The following NCOA1 variants were observed in gnomAD, a reference collection of about 807,000 sequenced individuals.
NCOA1 encodes Hin-2 protein.
In NCOA1, 35 loss-of-function variants were observed where a neutral mutation model predicts 150.9. The observed-to-expected ratio is 0.23, with a 90% CI of 0.18 to 0.31. NCOA1 has a LOEUF of 0.31. Ranked by LOEUF, NCOA1 falls within the 10% of genes least tolerant of loss-of-function variation. The pLI, the probability that NCOA1 is intolerant of heterozygous loss-of-function variation, is 1.00. For missense variants in NCOA1, 1,491 were observed against 1,749.3 expected (o/e 0.85, Z 2.63); for synonymous variants, 590 against 630.0 (o/e 0.94, Z 0.95).
chr2:24,706,784 A>G lies in NCOA1; in HGVS notation c.1314A>G (p.Gln438=), dbSNP rs968759504. The G allele has an allele frequency of 6.2e-7, 1 of 1,614,198 alleles. No homozygotes were observed. The part of the protein sequence containing the change: ...SSSHSNSSNS[Q]GSFGCSPGSQ... ...GTCATAGTAATTCTAGCAACAGCCAAGGAAGTTTCGGATGCTCACCCGGAA... is the reference window on the plus strand; with the variant it reads ...GTCATAGTAATTCTAGCAACAGCCAGGGAAGTTTCGGATGCTCACCCGGAA... The change falls in exon 13 of 23, where the codon CAA becomes CAG. Residue 438 remains glutamine (Q), a synonymous_variant. Coordinates refer to ENST00000348332, the MANE Select transcript of NCOA1 (RefSeq NM_003743.5).
chr2:24,582,765 C>A (rs1667250015), intron 2 of NCOA1, among the ~76,000 whole-genome samples: 1 of 152,036 alleles, frequency 6.6e-6, no homozygotes, highest in South Asian at 2.1e-4. Context: ...GACACATAGA[C>A]CAATGGAGCA....
intron 1 of NCOA1, among the ~76,000 whole-genome samples, chr2:24,550,707 G>C (rs1275562904): frequency 1.3e-5 from 2 of 152,232 alleles, no homozygotes; most frequent in Non-Finnish European, 2.9e-5. Flanking sequence ...TGAATGCCTA[G>C]TAAACAAGGG....
At chr2:24,661,671 T>C (rs1404854579) in intron 5 of NCOA1, among the ~76,000 whole-genome samples, 1 of 152,216 alleles carries the variant, frequency 6.6e-6, no homozygotes, top group East Asian at 1.9e-4. Flanking sequence ...ATTTATTGTT[T>C]TTCCCAGTTA....
chr2:24,600,450 G>A (rs893007019), intron 3 of NCOA1, among the ~76,000 whole-genome samples: 5 of 152,068 alleles, frequency 3.3e-5, no homozygotes, highest in Admixed American at 6.5e-5. Flanking sequence ...CAAGTGATCC[G>A]CACGCCTTGG....
intron 9 of NCOA1, among the ~76,000 whole-genome samples, chr2:24,692,709 T>G (rs957008989): frequency 6.6e-6 from 1 of 152,192 alleles, no homozygotes; most frequent in Non-Finnish European, 1.5e-5. Flanking sequence ...CTGGTATATA[T>G]AAGAGCATTC....
At chr2:24,594,102 C>T (rs1242060602) in intron 3 of NCOA1, among the ~76,000 whole-genome samples, 2 of 151,900 alleles carry the variant, frequency 1.3e-5, no homozygotes, top group African/African-American at 2.4e-5. Flanking sequence ...CAAGTAAACA[C>T]GGTACTAGAT....
In NCOA1 at chr2:24,711,053, G is replaced by C; in HGVS notation, c.2541G>C (p.Ser847=). 6.2e-7 allele frequency: 1 copy of C among 1,614,112 alleles called. No individual in the cohort carries two copies. The highest frequency in any genetic ancestry group is 8.5e-7 in the Non-Finnish European group (1 of 1,179,998). Residue 847 remains serine, a synonymous_variant, in exon 14 of 23, where the codon TCG becomes TCC. Transcript: ENST00000348332. The stretch of plus-strand genomic sequence containing the variant: ...CGGTCACCAGTGTAACCATCAAATC[G>C]GAGATCCTGCCAGCTTCACTTCAGT... ...DGAVTSVTIK[S]EILPASLQSA...
intron 5 of NCOA1, among the ~76,000 whole-genome samples, chr2:24,663,482 A>G (rs1189904808): frequency 6.6e-6 from 1 of 152,200 alleles, no homozygotes; most frequent in Non-Finnish European, 1.5e-5. Context: ...TATAATAAGT[A>G]TAGGAGTATT....
chr2:24,762,553 A>T, intron 21 of NCOA1, 134 bp from the exon 22 acceptor site: 1 of 745,588 alleles, frequency 1.3e-6, no homozygotes, highest in Middle Eastern at 4.0e-4. Flanking sequence ...GTAACAACAC[A>T]GTTAATTGCT....
At position 24,762,730 on chromosome 2, in the gene NCOA1, A is replaced by G. The variant is rs1664849098; in HGVS notation, c.4109A>G (p.Gln1370Arg). 1.2e-6 allele frequency: 2 copies of G among 1,614,038 alleles called. No homozygotes were observed. The highest frequency in any genetic ancestry group is 1.3e-5 in the African/African-American group (1 of 74,936). ...AGACACACAGGCCTCTACTGCAACC[A>G]GCTCTCATCCACTGACCTTCTCAAA... ...ALRHTGLYCN[Q>R]LSSTDLLKTE... Residue 1370 changes from glutamine (Q) to arginine (R), a missense_variant, in exon 22 of 23, where the codon CAG (glutamine) becomes CGG (arginine). Coordinates refer to ENST00000348332, the MANE Select transcript of NCOA1 (RefSeq NM_003743.5).
chr2:24,514,794 A>G (rs1004765743), intron 1 of NCOA1, among the ~76,000 whole-genome samples: 33 of 152,232 alleles, frequency 2.2e-4, no homozygotes, highest in African/African-American at 7.5e-4. Flanking sequence ...AAGAAAAAAA[A>G]GTAAACGTAT....
Position 24,751,997 on chromosome 2 carries a change from G to C in NCOA1, c.3722G>C (p.Gly1241Ala), listed in dbSNP as rs1340991161. Reference sequence around the variant, plus strand: ...CAATTTACAGGAATGGTTCCCCAAGGTGAGGCCAACTTTGCTCCATCTCTA... The same window carrying C: ...CAATTTACAGGAATGGTTCCCCAAGCTGAGGCCAACTTTGCTCCATCTCTA... ...QYPGAGMVPQ[G>A]EANFAPSLSP... Residue 1241 changes from glycine (G) to alanine (A), a missense_variant, in exon 20 of 23, where the codon GGT becomes GCT. Physicochemically the swap from Gly to Ala is moderately conservative, Grantham distance 60. Transcript: ENST00000348332. 1.9e-6 allele frequency: 3 copies of C among 1,612,118 alleles called. No individual in the cohort carries two copies.
rs921299069 is a variant in NCOA1, at chr2:24,742,315, G to A, written c.3706+129G>A. ...GGAAAGACACTGACGTGGGAGTCTG[G>A]AGACCCAGGATTCAGACTCAGCTTT... On this transcript the variant is annotated intron_variant, in intron 19 of 22. Transcript: ENST00000348332. The A allele has an allele frequency of 1.4e-5, 15 of 1,093,962 alleles. No homozygotes were observed. The African/African-American group carries it at 2.1e-4, about 15-fold the overall frequency. The allele number at this position is 1,093,962 out of a possible 1,614,324, so 67.8% of individuals were successfully genotyped here.
chr2:24,719,324 G>A (rs1674238437), intron 14 of NCOA1, among the ~76,000 whole-genome samples: 1 of 152,130 alleles, frequency 6.6e-6, no homozygotes, highest in Admixed American at 6.5e-5. Flanking sequence ...GGAAATTTTA[G>A]AGGTGATAGA....
At chr2:24,751,005 T>C (rs897125409) in intron 19 of NCOA1, among the ~76,000 whole-genome samples, 13 of 151,614 alleles carry the variant, frequency 8.6e-5, no homozygotes, top group African/African-American at 2.7e-4. Flanking sequence ...CTTTTTTTTT[T>C]TTGACAGAGC....
At chr2:24,659,281 TA>T (rs1325500704) in intron 5 of NCOA1, among the ~76,000 whole-genome samples, 3 of 152,320 alleles carry the variant, frequency 2.0e-5, no homozygotes, top group Admixed American at 1.3e-4. Flanking sequence ...AATGAATATA[TA>T]AATCTATTAT....
chr2:24,759,413 A>T (rs1333102243), intron 21 of NCOA1, among the ~76,000 whole-genome samples: 1 of 152,158 alleles, frequency 6.6e-6, no homozygotes, highest in Non-Finnish European at 1.5e-5. Flanking sequence ...TGTTAAGGGG[A>T]TATTTATATT....
Position 24,702,305 on chromosome 2 carries a change from T to C in NCOA1, c.950-2781T>C, listed in dbSNP as rs191919883. On this transcript the variant is annotated intron_variant, in intron 11 of 22. Coordinates refer to ENST00000348332, the MANE Select transcript of NCOA1 (RefSeq NM_003743.5). ...AGAACATCTAGGGGTAATTATTTTT[T>C]CTGTACCTAATAACAATTTTTTAAT... Among the ~76,000 whole-genome samples the C allele has an allele frequency of 9.2e-5, 14 of 152,350 alleles. No homozygotes were observed. In the East Asian group the frequency reaches 2.7e-3, roughly 29 times the overall value.
intron 3 of NCOA1, among the ~76,000 whole-genome samples, chr2:24,610,688 C>A (rs957500285): frequency 6.6e-6 from 1 of 150,902 alleles, no homozygotes; most frequent in African/African-American, 2.4e-5. Context: ...ATTCTAATAT[C>A]TGAAATTTTA....
Sources: gnomAD v4.1 joint callset for allele counts (sites outside exome capture counted in the v4.1 genomes callset) on GRCh38, gnomAD v4.1.1 for gene constraint, MANE v1.5 for transcripts, NCBI Gene and HGNC (gene_info 2026-07-23, HGNC 2026-07-21) for gene names.